CPNE8: variants seen among roughly 807,000 people sequenced by gnomAD.
CPNE8 encodes copine 8.
CPNE8 carries 45 observed loss-of-function variants against 81.5 expected under a neutral mutation model. That is an observed-to-expected ratio of 0.55 (90% CI 0.44 to 0.71). The LOEUF (loss-of-function observed/expected upper bound fraction) is 0.71. Ranked by LOEUF, CPNE8 falls within the 30% of genes least tolerant of loss-of-function variation. The pLI, the probability that CPNE8 is intolerant of heterozygous loss-of-function variation, is 0.00. For missense variants in CPNE8, 594 were observed against 672.1 expected (o/e 0.88, Z 1.28); for synonymous variants, 252 against 226.3 (o/e 1.11, Z -1.02).
intron 13 of CPNE8, among the ~76,000 whole-genome samples, chr12:38,709,081 T>C (rs1940183221): frequency 6.6e-6 from 1 of 152,142 alleles, no homozygotes; most frequent in Admixed American, 6.5e-5. Context: ...ACAATAATAT[T>C]CCTCACATTC....
intron 16 of CPNE8, among the ~76,000 whole-genome samples, chr12:38,681,537 G>A (rs1236544506): frequency 6.6e-6 from 1 of 152,068 alleles, no homozygotes; most frequent in Non-Finnish European, 1.5e-5. Flanking sequence ...GTGTCAACTA[G>A]ACTATAAATC....
intron 1 of CPNE8, among the ~76,000 whole-genome samples, chr12:38,893,664 G>A (rs1344931955): frequency 1.3e-5 from 2 of 151,718 alleles, no homozygotes; most frequent in Admixed American, 6.6e-5. Context: ...TTTCTTTCAC[G>A]AGATCCAAGA....
intron 6 of CPNE8, among the ~76,000 whole-genome samples, chr12:38,779,896 T>C (rs1942010046): frequency 6.6e-6 from 1 of 152,046 alleles, no homozygotes; most frequent in African/African-American, 2.4e-5. Flanking sequence ...GAAATGGACA[T>C]ATGGATAACT....
chr12:38,716,655 G>T (rs1940400453), intron 13 of CPNE8, among the ~76,000 whole-genome samples: 3 of 152,030 alleles, frequency 2.0e-5, no homozygotes, highest in South Asian at 4.1e-4. Flanking sequence ...ATGGATCAAA[G>T]ACTTAAATTG....
intron 4 of CPNE8, among the ~76,000 whole-genome samples, chr12:38,845,190 T>A (rs1028342169): frequency 6.6e-6 from 1 of 152,074 alleles, no homozygotes; most frequent in African/African-American, 2.4e-5. Context: ...CAATCAGAGA[T>A]CACCAGCTTC....
chr12:38,786,307 C>T (rs1042740534), intron 6 of CPNE8, among the ~76,000 whole-genome samples: 10 of 152,160 alleles, frequency 6.6e-5, no homozygotes, highest in African/African-American at 2.2e-4. Context: ...AGGGTGCTGC[C>T]AAAAGAGATT....
chr12:38,873,370 A>G (rs1331023519), intron 2 of CPNE8, among the ~76,000 whole-genome samples: 2 of 152,208 alleles, frequency 1.3e-5, no homozygotes, highest in African/African-American at 2.4e-5. Context: ...ATATTTCATT[A>G]TGTTGTGAAA....
At chr12:38,882,863 T>A (rs781525686) in intron 1 of CPNE8, among the ~76,000 whole-genome samples, 1 of 152,142 alleles carries the variant, frequency 6.6e-6, no homozygotes, top group Non-Finnish European at 1.5e-5. Context: ...CACACTTCTC[T>A]ACACTTAGAC....
chr12:38,897,364 A>G (rs539569602), intron 1 of CPNE8, among the ~76,000 whole-genome samples: 1 of 152,126 alleles, frequency 6.6e-6, no homozygotes, highest in Non-Finnish European at 1.5e-5. Context: ...TCCCCAGGAA[A>G]AAAAAGTAAC....
At chr12:38,708,734 C>T (rs1336143779) in intron 13 of CPNE8, among the ~76,000 whole-genome samples, 1 of 152,030 alleles carries the variant, frequency 6.6e-6, no homozygotes, top group Non-Finnish European at 1.5e-5. Flanking sequence ...AATTTACTAG[C>T]ACAGCAAAGA....
chr12:38,779,171 A>C (rs1258367884), intron 6 of CPNE8, among the ~76,000 whole-genome samples: 1 of 152,226 alleles, frequency 6.6e-6, no homozygotes, highest in Non-Finnish European at 1.5e-5. Flanking sequence ...TGCTGAATAA[A>C]ATATGCAAAG....
intron 10 of CPNE8, among the ~76,000 whole-genome samples, chr12:38,750,487 A>G (rs1264381871): frequency 6.6e-6 from 1 of 152,196 alleles, no homozygotes; most frequent in Admixed American, 6.5e-5. Flanking sequence ...AAAGCTGCAG[A>G]GGTGGAGCTG....
intron 19 of CPNE8, among the ~76,000 whole-genome samples, 185 bp from the exon 20 acceptor site, chr12:38,654,255 C>T (rs1414290811): frequency 6.6e-6 from 1 of 152,028 alleles, no homozygotes; most frequent in Non-Finnish European, 1.5e-5. Flanking sequence ...GTGGCTCATG[C>T]CTGTAATCCC....
At chr12:38,886,087 G>A (rs1023631469) in intron 1 of CPNE8, among the ~76,000 whole-genome samples, 1 of 152,122 alleles carries the variant, frequency 6.6e-6, no homozygotes, top group Admixed American at 6.6e-5. Context: ...GATGGCTGGG[G>A]TTATTAGCTT....
intron 16 of CPNE8, among the ~76,000 whole-genome samples, chr12:38,685,026 A>G (rs1323445107): frequency 6.6e-6 from 1 of 152,212 alleles, no homozygotes; most frequent in African/African-American, 2.4e-5. Flanking sequence ...TAAATTAGCT[A>G]CTATATTCAT....
chr12:38,835,974 A>G lies in CPNE8; in HGVS notation c.330+3942T>C, dbSNP rs143283028. Among the ~76,000 whole-genome samples the G allele has an allele frequency of 3.7e-3, 570 of 152,246 alleles. 7 individuals carry two copies. The highest frequency in any genetic ancestry group is 0.013 in the African/African-American group (559 of 41,572). On this transcript the variant is annotated intron_variant, in intron 5 of 19. Transcript: ENST00000331366. The stretch of plus-strand genomic sequence containing the variant: ...ATTTAGTATATAGAGTACAGTTTCT[A>G]TGTTATCTGGTCCAACATCCCAAGC...
chr12:38,676,410 G>A (rs1939290888), intron 17 of CPNE8: 2 of 534,728 alleles, frequency 3.7e-6, no homozygotes, highest in Non-Finnish European at 4.8e-6. Flanking sequence ...CTGACTTTGG[G>A]TATCTTTTTC....
At position 38,902,431 on chromosome 12, in the gene CPNE8, A is replaced by AAG. The variant is rs1297264243; in HGVS notation, c.98+3004_98+3005dup. On this transcript the variant is annotated intron_variant, in intron 1 of 19. Coordinates refer to ENST00000331366, the MANE Select transcript of CPNE8 (RefSeq NM_153634.3). ...AGAAAGAAAGAAAAAGAAAGAAAGA[A>AAG]AGAAAGGAGAGAGAGAAAGAAAGAT... 7.6e-3 allele frequency among the ~76,000 whole-genome samples: 1,055 copies of AAG among 139,338 alleles called. 102 individuals are homozygous for AAG. The highest frequency in any genetic ancestry group is 0.033 in the African/African-American group (979 of 30,032). 91.4% of individuals were successfully genotyped at this position (139,338 alleles called of 152,430 possible).
chr12:38,723,170 T>C (rs980533324), intron 13 of CPNE8, among the ~76,000 whole-genome samples: 1 of 151,968 alleles, frequency 6.6e-6, no homozygotes, highest in African/African-American at 2.4e-5. Flanking sequence ...AAGGAAGAAA[T>C]AGGTTAAAAT....
Sources: allele counts gnomAD v4.1 joint callset (sites outside exome capture counted in the v4.1 genomes callset), GRCh38; gene constraint gnomAD v4.1.1; transcripts MANE v1.5; gene names NCBI Gene and HGNC (gene_info 2026-07-23, HGNC 2026-07-21).